DGKI: variants seen among roughly 807,000 people sequenced by gnomAD.
DGKI encodes the protein diacylglycerol kinase iota.
A neutral mutation model predicts 147.5 loss-of-function variants in DGKI; 55 were observed. The observed-to-expected ratio is 0.37, with a 90% CI of 0.30 to 0.47. The LOEUF is 0.47. DGKI is among the 20% of genes least tolerant of loss of function. The pLI is 1.00. For synonymous variants in DGKI, 469 were observed against 477.1 expected, an observed-to-expected ratio of 0.98 and a Z score of 0.22; for missense variants, 1,007 against 1,323.8, an observed-to-expected ratio of 0.76 and a Z score of 3.71.
At chr7:137,492,431 G>C (rs191559853) in intron 21 of DGKI, among the ~76,000 whole-genome samples, 1 of 152,270 alleles carries the variant, frequency 6.6e-6, no homozygotes, top group African/African-American at 2.4e-5. Context: ...CTGGGTTTAA[G>C]GGGGAGGAAG....
rs545713417 is a variant in DGKI at position 137,680,887 on chromosome 7, A to G, written c.511-2235T>C. Reference sequence around the variant, plus strand: ...AATAAACGTATTTCTTCAGATTCAGATAGAACACATTTTCCTTTCAGGGCC... The same window carrying G: ...AATAAACGTATTTCTTCAGATTCAGGTAGAACACATTTTCCTTTCAGGGCC... On this transcript the variant is annotated intron_variant, in intron 2 of 32. Transcript: ENST00000614521. Among the ~76,000 whole-genome samples the G allele has an allele frequency of 2.6e-5, 4 of 152,314 alleles. No individual in the cohort carries two copies. In the East Asian group the frequency reaches 7.7e-4, roughly 29 times the overall value.
intron 19 of DGKI, among the ~76,000 whole-genome samples, chr7:137,570,075 G>A (rs1728450): frequency 0.16 from 24,883 of 152,012 alleles, 3,675 homozygotes; most frequent in African/African-American, 0.39. Flanking sequence ...ATGAGTAAAA[G>A]AGAGACCTAT....
intron 20 of DGKI, among the ~76,000 whole-genome samples, chr7:137,522,673 A>T (rs1463012714): frequency 6.6e-6 from 1 of 152,168 alleles, no homozygotes; most frequent in Non-Finnish European, 1.5e-5. Flanking sequence ...AAAATGGTGC[A>T]GCACCAAACT....
chr7:137,786,249 A>T (rs1379211321), intron 1 of DGKI, among the ~76,000 whole-genome samples: 2 of 152,128 alleles, frequency 1.3e-5, no homozygotes, highest in African/African-American at 4.8e-5. Flanking sequence ...AGCTCCTAGA[A>T]CTGGTAAATG....
At chr7:137,603,448 T>A (rs697599) in intron 10 of DGKI, among the ~76,000 whole-genome samples, 13,068 of 152,192 alleles carry the variant, frequency 0.086, 1,837 homozygotes, top group African/African-American at 0.3. Flanking sequence ...CTTAAGAAAT[T>A]ATTATTTCAA....
rs1815611368 is a variant in DGKI at position 137,487,601 on chromosome 7, T to C, written c.2328+9A>G. ...TGAGGAGAATAAAAAATTGGCTAAATAAACTCACCTCCTGTAGGCGGTCTA... is the reference window on the plus strand; with the variant it reads ...TGAGGAGAATAAAAAATTGGCTAAACAAACTCACCTCCTGTAGGCGGTCTA... On this transcript the variant is annotated intron_variant, in intron 22 of 32. Transcript: ENST00000614521. 1.9e-6 allele frequency: 3 copies of C among 1,612,876 alleles called. No individual in the cohort carries two copies. Among genetic ancestry groups the C allele is most frequent in the Non-Finnish European group, 1.7e-6 (2 of 1,179,154 alleles).
Position 137,719,155 on chromosome 7 carries a change from T to A in DGKI, c.402-29153A>T, listed in dbSNP as rs112123751. 8.5e-3 allele frequency among the ~76,000 whole-genome samples: 1,299 copies of A among 152,208 alleles called. 17 individuals carry two copies. The highest frequency in any genetic ancestry group is 0.029 in the African/African-American group (1,219 of 41,512). On this transcript the variant is annotated intron_variant, in intron 1 of 32. Transcript: ENST00000614521. Reference sequence around the variant, plus strand: ...ATGTTTCACAGTCTACCTAGGAGTCTCTGAAGTCAAACATTCTCTGTGTCT... The same window carrying A: ...ATGTTTCACAGTCTACCTAGGAGTCACTGAAGTCAAACATTCTCTGTGTCT...
intron 19 of DGKI, among the ~76,000 whole-genome samples, chr7:137,556,579 G>T (rs1818231693): frequency 6.6e-6 from 1 of 151,934 alleles, no homozygotes; most frequent in Admixed American, 6.6e-5. Flanking sequence ...AATACAATAG[G>T]ATATAAAATG....
chr7:137,645,115 G>A (rs937297481), intron 6 of DGKI, among the ~76,000 whole-genome samples: 3 of 152,190 alleles, frequency 2.0e-5, no homozygotes, highest in East Asian at 1.9e-4. Flanking sequence ...ATTAGCAAAC[G>A]TAGTGTTGCT....
chr7:137,643,772 A>G lies in DGKI; in HGVS notation c.804+1700T>C, dbSNP rs1038565601. On this transcript the variant is annotated intron_variant, in intron 6 of 32. Coordinates refer to ENST00000614521, the MANE Select transcript of DGKI (RefSeq NM_001321708.2). ...CCAACAAGAGGCCAGAAGAGAGTGCAATATGGCACTAGGGAACACTTGTCT... is the reference window on the plus strand; with the variant it reads ...CCAACAAGAGGCCAGAAGAGAGTGCGATATGGCACTAGGGAACACTTGTCT... 2.6e-5 allele frequency among the ~76,000 whole-genome samples: 4 copies of G among 152,350 alleles called. No homozygotes were observed. In the East Asian group the frequency reaches 5.8e-4, roughly 22 times the overall value.
chr7:137,756,642 C>A (rs1467672921), intron 1 of DGKI, among the ~76,000 whole-genome samples: 1 of 152,152 alleles, frequency 6.6e-6, no homozygotes, highest in Non-Finnish European at 1.5e-5. Context: ...CCATGCAGTG[C>A]TGTTCTTAAA....
rs558088506 is a variant in DGKI at position 137,383,505 on chromosome 7, T to C, written c.*7715A>G. On this transcript the variant is annotated 3_prime_UTR_variant, in exon 33 of 33. Coordinates refer to ENST00000614521, the MANE Select transcript of DGKI (RefSeq NM_001321708.2). ...AATTGAGTTCTGTTCCAGTCTAAAA[T>C]TATAGACATTTAAACCAAGAAAATC... The C allele has an allele frequency of 1.3e-5, 2 of 151,900 alleles. No individual in the cohort carries two copies. The highest frequency in any genetic ancestry group is 4.1e-4 in the South Asian group (2 of 4,822). 9.4% of individuals were successfully genotyped at this position (151,900 alleles called of 1,614,324 possible). A position where few individuals can be genotyped will look rare whatever the true frequency, so the allele number is the denominator to read the frequency against.
chr7:137,447,253 T>C (rs1295520381), intron 27 of DGKI, among the ~76,000 whole-genome samples: 1 of 152,234 alleles, frequency 6.6e-6, no homozygotes, highest in Admixed American at 6.5e-5. Flanking sequence ...TGATTCAATT[T>C]ATTACTTGAG....
At position 137,634,851 on chromosome 7, in the gene DGKI, T is replaced by A. The variant is rs141919197; in HGVS notation, c.804+10621A>T. Among the ~76,000 whole-genome samples, 19 of 152,238 alleles carry A rather than the reference T, an allele frequency of 1.2e-4. No homozygotes were observed. In the East Asian group the frequency reaches 2.9e-3, roughly 23 times the overall value. On this transcript the variant is annotated intron_variant, in intron 6 of 32. Transcript: ENST00000614521. ...CAGGAGTGGGTCCTAGAGACAGGAA[T>A]AATAAGAAATCCTCCTCATGGGCAT...
In DGKI at chr7:137,654,406, G is replaced by T. The variant is rs58572040; in HGVS notation, c.738+326C>A. Among the ~76,000 whole-genome samples, 121 of 152,120 alleles carry T rather than the reference G, an allele frequency of 8.0e-4. 1 individual carries two copies. The highest frequency in any genetic ancestry group is 6.8e-3 in the Admixed American group (104 of 15,274). ...CAACCAGAACACATGGCAACAGAGC[G>T]ACACTCTGTCTCCAAATAAATAAGT... On this transcript the variant is annotated intron_variant, in intron 5 of 32. Coordinates refer to ENST00000614521, the MANE Select transcript of DGKI (RefSeq NM_001321708.2).
chr7:137,795,337 T>A (rs953246154), intron 1 of DGKI, among the ~76,000 whole-genome samples: 3 of 152,104 alleles, frequency 2.0e-5, no homozygotes, highest in Non-Finnish European at 4.4e-5. Flanking sequence ...CAGAATAGGT[T>A]TGGATCCGCC....
intron 2 of DGKI, among the ~76,000 whole-genome samples, chr7:137,686,019 A>G (rs1279746109): frequency 6.6e-6 from 1 of 152,174 alleles, no homozygotes; most frequent in Non-Finnish European, 1.5e-5. Flanking sequence ...GTAACCAAGC[A>G]GCTACTAGGT....
chr7:137,802,521 T>G (rs1054109110), intron 1 of DGKI, among the ~76,000 whole-genome samples: 5 of 152,220 alleles, frequency 3.3e-5, no homozygotes, highest in African/African-American at 1.2e-4. Context: ...TGTGACATTA[T>G]AATTATCACT....
chr7:137,533,635 G>T (rs191807238), intron 20 of DGKI, among the ~76,000 whole-genome samples: 1 of 152,008 alleles, frequency 6.6e-6, no homozygotes, highest in East Asian at 1.9e-4. Flanking sequence ...ACATAATCAC[G>T]TCCCAATTAG....
Sources: allele counts gnomAD v4.1 joint callset (sites outside exome capture counted in the v4.1 genomes callset), GRCh38; gene constraint gnomAD v4.1.1; transcripts MANE v1.5; gene names NCBI Gene and HGNC (gene_info 2026-07-23, HGNC 2026-07-21).